The following PGAM1 variants were observed in gnomAD, a reference collection of about 807,000 sequenced individuals.
The protein encoded by PGAM1 is phosphoglycerate mutase 1.
A neutral mutation model predicts 23.5 loss-of-function variants in PGAM1; 21 were observed. That is an observed-to-expected ratio of 0.89 (90% CI 0.63 to 1.29). PGAM1 has a LOEUF of 1.29. PGAM1 is among the 50% of genes most tolerant of loss of function. The pLI is 0.00. For synonymous variants in PGAM1, 109 were observed against 128.6 expected (o/e 0.85, Z 1.03); for missense variants, 232 against 336.3 (o/e 0.69, Z 2.42).
At chr10:97,429,099 T>TC (rs1463084545) in intron 1 of PGAM1, among the ~76,000 whole-genome samples, 2 of 137,090 alleles carry the variant, frequency 1.5e-5, no homozygotes, top group African/African-American at 5.6e-5. Context: ...TTCCTTTTTT[T>TC]TTTTTTTTTT....
intron 1 of PGAM1, chr10:97,427,587 T>G (rs1259941161): frequency 3.4e-6 from 4 of 1,169,144 alleles, no homozygotes; most frequent in Non-Finnish European, 4.3e-6. Flanking sequence ...GAGGAACTGG[T>G]AGGCTTTTGG....
rs1564784093 is a variant in PGAM1, at chr10:97,431,111, C to CG, written c.575dup (p.Ile193HisfsTer10). The CG allele has an allele frequency of 6.2e-7, 1 of 1,614,134 alleles. No homozygotes were observed. The highest frequency in any genetic ancestry group is 8.5e-7 in the Non-Finnish European group (1 of 1,180,022). ...GATTGCAGCCCATGGCAACAGCCTC[C>CG]GGGGCATTGTCAAGCATCTGGAGGG... On this transcript the variant is annotated frameshift_variant, in exon 3 of 4. Transcript: ENST00000334828. LOFTEE classifies it high-confidence loss of function.
chr10:97,427,932 A>C, intron 1 of PGAM1: 1 of 1,289,046 alleles, frequency 7.8e-7, no homozygotes, highest in Non-Finnish European at 1.0e-6. Context: ...CAGTCTGGTA[A>C]ATGTAAACCT....
intron 1 of PGAM1, among the ~76,000 whole-genome samples, chr10:97,426,667 G>C (rs956051260): frequency 6.6e-6 from 1 of 152,268 alleles, no homozygotes; most frequent in Non-Finnish European, 1.5e-5. Context: ...GACCCAGGGC[G>C]GTCGCCCCGC....
intron 3 of PGAM1, among the ~76,000 whole-genome samples, chr10:97,431,479 G>A (rs1845471359): frequency 6.6e-6 from 1 of 152,218 alleles, no homozygotes; most frequent in Non-Finnish European, 1.5e-5. Flanking sequence ...GAAACTGCTA[G>A]TGAAAATCCT....
chr10:97,431,789 T>TG (rs1370314043), intron 3 of PGAM1, among the ~76,000 whole-genome samples: 2 of 151,988 alleles, frequency 1.3e-5, no homozygotes, highest in Non-Finnish European at 2.9e-5. Flanking sequence ...CTCAGGAGGC[T>TG]GAGGCGGGAG....
intron 1 of PGAM1, chr10:97,427,315 G>T: frequency 1.0e-6 from 1 of 986,764 alleles, no homozygotes; most frequent in Non-Finnish European, 1.2e-6. Context: ...CCGCGTGGTT[G>T]TGCAGGTCTT....
At position 97,432,655 on chromosome 10, in the gene PGAM1, A is replaced by G; in HGVS notation, c.*131A>G. On this transcript the variant is annotated 3_prime_UTR_variant, in exon 4 of 4. Coordinates refer to ENST00000334828, the MANE Select transcript of PGAM1 (RefSeq NM_002629.4). ...TGAGTTGTAGCTGCAGACGGGGACC[A>G]GTGGCTCCCATTTTCATTTTAGCCA... is the stretch of plus-strand genomic sequence containing the variant. The G allele has an allele frequency of 3.3e-6, 4 of 1,195,254 alleles. No individual in the cohort carries two copies. Among genetic ancestry groups the G allele is most frequent in the Admixed American group, 2.3e-5 (1 of 43,854 alleles). The allele number at this position is 1,195,254 out of a possible 1,614,324, so 74.0% of individuals were successfully genotyped here. A position where few individuals can be genotyped will look rare whatever the true frequency, so the allele number is the denominator to read the frequency against.
rs565829832 is a variant in PGAM1 at position 97,433,394 on chromosome 10, A to C, written c.*870A>C. 140 of 152,612 alleles carry C rather than the reference A, an allele frequency of 9.2e-4. No individual in the cohort carries two copies. Among genetic ancestry groups the C allele is most frequent in the African/African-American group, 3.2e-3 (134 of 41,508 alleles). 9.5% of individuals were successfully genotyped at this position (152,612 alleles called of 1,614,324 possible). A position where few individuals can be genotyped will look rare whatever the true frequency, so the allele number is the denominator to read the frequency against. On this transcript the variant is annotated 3_prime_UTR_variant, in exon 4 of 4. Transcript: ENST00000334828. ...CCAGTGTTCATCTGAGCATAACTGT[A>C]CTAAATCCTTTTTCCATATCAGTAT...
At chr10:97,431,919 A>G (rs1235353462) in intron 3 of PGAM1, among the ~76,000 whole-genome samples, 8 of 151,848 alleles carry the variant, frequency 5.3e-5, no homozygotes, top group Non-Finnish European at 8.8e-5. Flanking sequence ...ACAAATATAT[A>G]TAAAAGAAAA....
chr10:97,426,526 C>T, intron 1 of PGAM1, 80 bp downstream of exon 1: 2 of 1,457,506 alleles, frequency 1.4e-6, no homozygotes, highest in Non-Finnish European at 1.8e-6. Flanking sequence ...TGCGCCCTCT[C>T]GGAGAGGGCC....
intron 1 of PGAM1, chr10:97,427,174 A>T: frequency 1.7e-6 from 1 of 587,208 alleles, no homozygotes; most frequent in Non-Finnish European, 2.1e-6. Context: ...CCTGTGCCTT[A>T]AAGCAGCTGT....
chr10:97,428,794 G>A (rs1359680432), intron 1 of PGAM1, among the ~76,000 whole-genome samples: 1 of 152,152 alleles, frequency 6.6e-6, no homozygotes, highest in Admixed American at 6.6e-5. Context: ...TGTGGGTGGT[G>A]TGAGTTTTCC....
chr10:97,430,296 C>G (rs993539428), intron 1 of PGAM1, 83 bp from the exon 2 acceptor site: 11 of 1,526,032 alleles, frequency 7.2e-6, no homozygotes, highest in Non-Finnish European at 1.0e-5. Flanking sequence ...ATTTGGACTA[C>G]TTGTACAGGA....
chr10:97,426,738 A>G (rs1029300418), intron 1 of PGAM1, among the ~76,000 whole-genome samples: 2 of 152,202 alleles, frequency 1.3e-5, no homozygotes, highest in African/African-American at 4.8e-5. Flanking sequence ...TGAACATTTA[A>G]TATGTCGGGG....
chr10:97,429,970 C>A (rs575456738), intron 1 of PGAM1, among the ~76,000 whole-genome samples: 1 of 149,062 alleles, frequency 6.7e-6, no homozygotes, highest in African/African-American at 2.5e-5. Context: ...TGCTTGAACC[C>A]GGGAGGCGGA....
chr10:97,426,352 A>C lies in PGAM1; in HGVS notation c.45A>C (p.Ala15=), dbSNP rs564150081. ...TGCTGATCCGGCACGGCGAGAGCGC[A>C]TGGAACCTGGAGAACCGCTTCAGCG... ...KLVLIRHGES[A]WNLENRFSGW... is the part of the protein sequence containing the mutation. Residue 15 remains alanine, a synonymous_variant, in exon 1 of 4, where the codon GCA becomes GCC. Transcript: ENST00000334828. 4 of 1,610,074 alleles carry C rather than the reference A, an allele frequency of 2.5e-6. No homozygotes were observed. Among genetic ancestry groups the C allele is most frequent in the Non-Finnish European group, 3.4e-6 (4 of 1,178,926 alleles).
chr10:97,427,793 C>A (rs1181413393), intron 1 of PGAM1: 3 of 1,289,350 alleles, frequency 2.3e-6, no homozygotes, highest in Non-Finnish European at 3.0e-6. Context: ...TTGCTCCCTT[C>A]TAACCTCTGG....
Position 97,429,502 on chromosome 10 carries a change from C to T in PGAM1, c.140-877C>T, listed in dbSNP as rs563582545. On this transcript the variant is annotated intron_variant, in intron 1 of 3. Transcript: ENST00000334828. ...AGATTCATTGATGAATCAGATAGTGCACAGCACTGGGTCTTTCTTTAGTGA... is the reference window on the plus strand; with the variant it reads ...AGATTCATTGATGAATCAGATAGTGTACAGCACTGGGTCTTTCTTTAGTGA... Among the ~76,000 whole-genome samples, 59 of 152,284 alleles carry T rather than the reference C, an allele frequency of 3.9e-4. 1 individual carries two copies. The highest frequency in any genetic ancestry group is 1.3e-3 in the Admixed American group (20 of 15,290).
Sources: gnomAD v4.1 joint callset for allele counts (sites outside exome capture counted in the v4.1 genomes callset) on GRCh38, gnomAD v4.1.1 for gene constraint, MANE v1.5 for transcripts, NCBI Gene and HGNC (gene_info 2026-07-23, HGNC 2026-07-21) for gene names.